The following ST18 variants were observed in gnomAD, a reference collection of about 807,000 sequenced individuals.
ST18 encodes ST18 C2H2C-type zinc finger transcription factor.
In ST18, 50 loss-of-function variants were observed where a neutral mutation model predicts 110.0. The observed-to-expected ratio is 0.45, with a 90% confidence interval of 0.36 to 0.58. ST18 has a LOEUF of 0.58. Among genes scored for constraint, ST18 ranks in the 20% least tolerant of loss-of-function variants. The pLI is 0.00. For missense variants in ST18, 1,306 were observed against 1,280.1 expected (o/e 1.02, Z -0.31); for synonymous variants, 461 against 452.4 (o/e 1.02, Z -0.24).
chr8:52,391,047 G>A (rs979662308), intron 2 of ST18, among the ~76,000 whole-genome samples: 1 of 152,136 alleles, frequency 6.6e-6, no homozygotes, highest in African/African-American at 2.4e-5. Context: ...GATGCTGTGT[G>A]TACCCAGGAC....
intron 22 of ST18, among the ~76,000 whole-genome samples, chr8:52,126,851 G>T (rs1197331825): frequency 1.3e-5 from 2 of 152,154 alleles, no homozygotes; most frequent in Admixed American, 6.5e-5. Flanking sequence ...CTTCAGCAGG[G>T]TTTCTTTCCC....
rs377658364 is a variant in ST18 at position 52,113,224 on chromosome 8, G to A, written c.3118C>T (p.Gln1040Ter). Residue 1040 changes from glutamine to a stop codon, truncating the protein, a stop_gained, in exon 26 of 26, where the codon CAG becomes TAG. Coordinates refer to ENST00000689386, the MANE Select transcript of ST18 (RefSeq NM_001352837.2). LOFTEE classifies it high-confidence loss of function. ...TACACATGGATACCCTTCACTGCCT[G>A]TTTGATACTTTCCAGTAGAGCTTTG... is the stretch of plus-strand genomic sequence containing the variant. Reference protein sequence around the residue: ...ECKALLESIKQAVKGIHV With the variant: ...ECKALLESIK 2 of 1,614,010 alleles carry A rather than the reference G, an allele frequency of 1.2e-6. No homozygotes were observed. Among genetic ancestry groups the A allele is most frequent in the African/African-American group, 2.7e-5 (2 of 74,924 alleles).
chr8:52,230,427 G>T (rs1278667472), intron 2 of ST18, among the ~76,000 whole-genome samples: 5 of 150,746 alleles, frequency 3.3e-5, no homozygotes, highest in East Asian at 1.9e-4. Flanking sequence ...AAAAAAAAAA[G>T]AATCAGTGGT....
At chr8:52,379,271 T>C (rs556477722) in intron 2 of ST18, among the ~76,000 whole-genome samples, 1 of 152,058 alleles carries the variant, frequency 6.6e-6, no homozygotes, top group East Asian at 1.9e-4. Context: ...CTAATTTTTG[T>C]ATTTTTAGTA....
At chr8:52,154,096 C>T (rs1209217880) in intron 15 of ST18, among the ~76,000 whole-genome samples, 2 of 152,216 alleles carry the variant, frequency 1.3e-5, no homozygotes, top group African/African-American at 2.4e-5. Context: ...TATTAAATAG[C>T]TGTTTCCTTG....
chr8:52,182,323 C>T (rs750038062), intron 8 of ST18, among the ~76,000 whole-genome samples: 16 of 152,116 alleles, frequency 1.1e-4, no homozygotes, highest in Non-Finnish European at 2.2e-4. Context: ...GGAACATTTG[C>T]CCAGTTTTCT....
chr8:52,261,143 G>C lies in ST18; in HGVS notation c.-464-31066C>G, dbSNP rs540517599. On this transcript the variant is annotated intron_variant, in intron 2 of 25. Transcript: ENST00000689386. Reference sequence around the variant, plus strand: ...TCAGCTGCTGACACTGACGGCTAAAGAGGGAAGAGAAAGAGAAAACTCACA... The same window carrying C: ...TCAGCTGCTGACACTGACGGCTAAACAGGGAAGAGAAAGAGAAAACTCACA... Among the ~76,000 whole-genome samples the C allele has an allele frequency of 1.8e-4, 28 of 152,326 alleles. No individual in the cohort carries two copies. In the South Asian group the frequency reaches 5.8e-3, roughly 32 times the overall value.
intron 8 of ST18, among the ~76,000 whole-genome samples, chr8:52,190,726 G>A (rs1186417794): frequency 2.6e-5 from 4 of 152,172 alleles, no homozygotes; most frequent in South Asian, 2.1e-4. Context: ...GAAGGGACCC[G>A]GAGAATCTGG....
At chr8:52,319,485 CTATAA>C (rs1158154820) in intron 2 of ST18, among the ~76,000 whole-genome samples, 1 of 152,098 alleles carries the variant, frequency 6.6e-6, no homozygotes, top group Non-Finnish European at 1.5e-5. Flanking sequence ...AAATATGCAT[CTATAA>C]TATGTTTCTC....
At chr8:52,208,565 G>A (rs1276448025) in intron 8 of ST18, among the ~76,000 whole-genome samples, 2 of 152,246 alleles carry the variant, frequency 1.3e-5, no homozygotes, top group Non-Finnish European at 2.9e-5. Flanking sequence ...GGTGGCTCAC[G>A]CCTGTAATCC....
At chr8:52,173,653 A>G (rs772158681) in intron 9 of ST18, among the ~76,000 whole-genome samples, 33 of 151,986 alleles carry the variant, frequency 2.2e-4, no homozygotes, top group Non-Finnish European at 4.4e-4. Flanking sequence ...AGCTCACACC[A>G]GGCTGTGAAG....
intron 2 of ST18, among the ~76,000 whole-genome samples, chr8:52,331,493 AC>A (rs1809390331): frequency 6.6e-6 from 1 of 152,114 alleles, no homozygotes; most frequent in African/African-American, 2.4e-5. Flanking sequence ...GACTTGACAT[AC>A]CCAGCCCGTC....
intron 21 of ST18, among the ~76,000 whole-genome samples, chr8:52,132,571 C>G (rs1023661848): frequency 6.6e-6 from 1 of 152,164 alleles, no homozygotes; most frequent in Non-Finnish European, 1.5e-5. Context: ...CCTTAACAGA[C>G]GCTGCATAGC....
intron 2 of ST18, among the ~76,000 whole-genome samples, chr8:52,395,210 G>C (rs1253629837): frequency 6.6e-6 from 1 of 152,206 alleles, no homozygotes; most frequent in Non-Finnish European, 1.5e-5. Flanking sequence ...TGTGGGCCAA[G>C]TACTATTCTA....
chr8:52,291,131 C>T (rs2095549980), intron 2 of ST18, among the ~76,000 whole-genome samples: 2 of 152,256 alleles, frequency 1.3e-5, no homozygotes, highest in African/African-American at 4.8e-5. Flanking sequence ...TTTCCCACCA[C>T]AGTATGAGCT....
intron 8 of ST18, among the ~76,000 whole-genome samples, chr8:52,186,455 T>C (rs1346109606): frequency 6.6e-6 from 1 of 152,188 alleles, no homozygotes. Flanking sequence ...GGAACGCTCA[T>C]ACACTGCTAG....
At chr8:52,364,976 T>C (rs1827240895) in intron 2 of ST18, among the ~76,000 whole-genome samples, 1 of 151,918 alleles carries the variant, frequency 6.6e-6, no homozygotes, top group South Asian at 2.1e-4. Flanking sequence ...CCAGGCATGG[T>C]TGCGGGGGGT....
At chr8:52,160,286 G>A (rs552685770) in intron 14 of ST18, among the ~76,000 whole-genome samples, 3 of 152,264 alleles carry the variant, frequency 2.0e-5, no homozygotes, top group Admixed American at 2.0e-4. Context: ...GGTTGTTAGT[G>A]GTTATTTATG....
intron 2 of ST18, among the ~76,000 whole-genome samples, chr8:52,331,192 A>G (rs955720863): frequency 6.6e-6 from 1 of 152,156 alleles, no homozygotes; most frequent in Non-Finnish European, 1.5e-5. Context: ...GGTAGTTTCA[A>G]TTAGCACACT....
Sources: allele counts gnomAD v4.1 joint callset (sites outside exome capture counted in the v4.1 genomes callset), GRCh38; gene constraint gnomAD v4.1.1; transcripts MANE v1.5; gene names NCBI Gene and HGNC (gene_info 2026-07-23, HGNC 2026-07-21).